TRHDE: variants seen among roughly 807,000 people sequenced by gnomAD.
The protein encoded by TRHDE is thyrotropin releasing hormone degrading enzyme, also known as thyrotropin-releasing hormone-degrading ectoenzyme.
Under a neutral mutation model 125.7 loss-of-function variants are expected in TRHDE, and 72 were observed. The observed-to-expected ratio is 0.57, with a 90% CI of 0.47 to 0.70. The LOEUF (loss-of-function observed/expected upper bound fraction) is 0.70, where lower values mean the gene tolerates loss of function less well. Ranked by LOEUF, TRHDE falls within the 30% of genes least tolerant of loss-of-function variation. TRHDE has a pLI of 0.00. For synonymous variants in TRHDE, 509 were observed against 509.1 expected (o/e 1.00, Z 0.00); for missense variants, 1,110 against 1,327.1 (o/e 0.84, Z 2.54).
intron 12 of TRHDE, among the ~76,000 whole-genome samples, chr12:72,594,749 C>G (rs1372085936): frequency 6.6e-6 from 1 of 151,956 alleles, no homozygotes; most frequent in Non-Finnish European, 1.5e-5. Context: ...TTTGACCCAG[C>G]CATCCCATTA....
intron 5 of TRHDE, among the ~76,000 whole-genome samples, chr12:72,499,011 G>GGGGACAGGAAGGGAGGGA (rs1332615540): frequency 6.6e-6 from 1 of 151,632 alleles, no homozygotes; most frequent in African/African-American, 2.4e-5. Flanking sequence ...AGTGTGTGAA[G>GGGGACAGGAAGGGAGGGA]GGGACAGGAA....
intron 2 of TRHDE, among the ~76,000 whole-genome samples, chr12:72,298,397 G>A (rs961156230): frequency 6.6e-6 from 1 of 152,122 alleles, no homozygotes; most frequent in Admixed American, 6.5e-5. Context: ...TAAGGTCCTG[G>A]CATATCTAGA....
At chr12:72,392,764 A>G (rs1296615674) in intron 3 of TRHDE, among the ~76,000 whole-genome samples, 1 of 152,200 alleles carries the variant, frequency 6.6e-6, no homozygotes, top group Non-Finnish European at 1.5e-5. Context: ...TAATATAAAA[A>G]TTACAAATCT....
chr12:72,581,764 A>G (rs553445426), intron 12 of TRHDE, among the ~76,000 whole-genome samples: 1 of 152,240 alleles, frequency 6.6e-6, no homozygotes, highest in Non-Finnish European at 1.5e-5. Flanking sequence ...GTTTTATTAA[A>G]AAGCATAAGG....
intron 12 of TRHDE, among the ~76,000 whole-genome samples, chr12:72,597,711 ATG>A (rs201385730): frequency 3.3e-3 from 97 of 29,252 alleles, no homozygotes; most frequent in African/African-American, 0.016. Flanking sequence ...GTGTGTGTGT[ATG>A]TATATATATA....
At chr12:72,564,243 G>A (rs1870322906) in intron 9 of TRHDE, among the ~76,000 whole-genome samples, 1 of 152,116 alleles carries the variant, frequency 6.6e-6, no homozygotes, top group Non-Finnish European at 1.5e-5. Flanking sequence ...GGCTGACTCT[G>A]TCAATGCTTC....
At chr12:72,520,818 A>T (rs17797288) in intron 6 of TRHDE, among the ~76,000 whole-genome samples, 4,138 of 152,310 alleles carry the variant, frequency 0.027, 95 homozygotes, top group Non-Finnish European at 0.04. Context: ...GCACAATTTT[A>T]TCATCTATAT....
chr12:72,213,609 G>C (rs546231419), intron 2 of TRHDE, among the ~76,000 whole-genome samples: 40 of 151,960 alleles, frequency 2.6e-4, no homozygotes, highest in Non-Finnish European at 4.3e-4. Context: ...CATGCCATTG[G>C]TTATATTACA....
At chr12:72,374,919 G>A (rs1471480627) in intron 2 of TRHDE, among the ~76,000 whole-genome samples, 1 of 152,116 alleles carries the variant, frequency 6.6e-6, no homozygotes, top group Non-Finnish European at 1.5e-5. Flanking sequence ...GTTTTGGTTT[G>A]GCTGTTAACT....
At chr12:72,210,239 G>C (rs537552927) in intron 2 of TRHDE, among the ~76,000 whole-genome samples, 4 of 150,464 alleles carry the variant, frequency 2.7e-5, no homozygotes, top group African/African-American at 7.4e-5. Flanking sequence ...TCTATCTTTT[G>C]GGTGTGTGTA....
intron 3 of TRHDE, among the ~76,000 whole-genome samples, chr12:72,437,902 A>G (rs1874816317): frequency 1.3e-5 from 2 of 151,792 alleles, no homozygotes; most frequent in African/African-American, 2.4e-5. Context: ...GAAATTTTGT[A>G]TGTTTGAGCC....
chr12:72,286,639 A>G (rs1232551257), intron 1 of TRHDE, 42 bp from the exon 2 acceptor site: 1 of 1,578,554 alleles, frequency 6.3e-7, no homozygotes, highest in African/African-American at 1.4e-5. Context: ...AACTTAACTC[A>G]CAACATAAAT....
At chr12:72,231,520 T>C (rs994348109) in intron 2 of TRHDE, among the ~76,000 whole-genome samples, 5 of 152,218 alleles carry the variant, frequency 3.3e-5, no homozygotes, top group Admixed American at 6.5e-5. Context: ...ATTACCGCCT[T>C]AGCTGCTTTT....
At chr12:72,634,060 AC>A (rs938055090) in intron 15 of TRHDE, among the ~76,000 whole-genome samples, 1 of 152,080 alleles carries the variant, frequency 6.6e-6, no homozygotes, top group African/African-American at 2.4e-5. Context: ...CCCCTGCCAA[AC>A]CCTTTATATA....
chr12:72,500,035 T>C (rs988776970), intron 6 of TRHDE, among the ~76,000 whole-genome samples: 20 of 152,180 alleles, frequency 1.3e-4, no homozygotes, highest in African/African-American at 4.6e-4. Context: ...CAAATGGATA[T>C]AGGTAATGAC....
At chr12:72,432,534 C>G (rs756437159) in intron 3 of TRHDE, among the ~76,000 whole-genome samples, 1 of 152,086 alleles carries the variant, frequency 6.6e-6, no homozygotes, top group Non-Finnish European at 1.5e-5. Flanking sequence ...CTATTCTCCC[C>G]GGGGTCTGCA....
In TRHDE at chr12:72,378,120, A is replaced by G. The variant is rs778251105; in HGVS notation, c.1314A>G (p.Leu438=). ...AAGTGCCCTATTCCTTGCCAAAACT[A>G]GGTAAGAATTTTCTTGGTTATTTTA... The part of the protein sequence containing the change: ...YFKVPYSLPK[L]DLLAVPKHPY... The change falls in exon 3 of 19, where the codon CTA becomes CTG. Residue 438 remains leucine (L), a splice_region_variant and synonymous_variant. Coordinates refer to ENST00000261180, the MANE Select transcript of TRHDE (RefSeq NM_013381.3). The G allele has an allele frequency of 6.4e-7, 1 of 1,568,480 alleles. No homozygotes were observed.
At chr12:72,644,918 G>T (rs952698712) in intron 15 of TRHDE, among the ~76,000 whole-genome samples, 1 of 152,200 alleles carries the variant, frequency 6.6e-6, no homozygotes, top group African/African-American at 2.4e-5. Flanking sequence ...GCTCAGCACA[G>T]AGCAAGCAGA....
At chr12:72,401,181 G>C (rs1227475689) in intron 3 of TRHDE, among the ~76,000 whole-genome samples, 1 of 152,040 alleles carries the variant, frequency 6.6e-6, no homozygotes, top group Non-Finnish European at 1.5e-5. Context: ...CTTGTTTAAA[G>C]GCAGATCTCT....
Sources: gnomAD v4.1 joint callset for allele counts (sites outside exome capture counted in the v4.1 genomes callset) on GRCh38, gnomAD v4.1.1 for gene constraint, MANE v1.5 for transcripts, NCBI Gene and HGNC (gene_info 2026-07-23, HGNC 2026-07-21) for gene names.